The following NCAM2 variants were observed in gnomAD, a reference collection of about 807,000 sequenced individuals.
NCAM2 encodes neural cell adhesion molecule 2.
NCAM2 carries 30 observed loss-of-function variants against 98.1 expected under a neutral mutation model. The ratio of observed to expected loss-of-function variants is 0.31; its 90% CI spans 0.23 to 0.41. The LOEUF is 0.41. Among genes scored for constraint, NCAM2 ranks in the 10% least tolerant of loss-of-function variants. The pLI is 1.00. For missense variants in NCAM2, 867 were observed against 1,005.8 expected (o/e 0.86, Z 1.87); for synonymous variants, 368 against 342.4 (o/e 1.07, Z -0.83).
chr21:21,116,015 TTGTGTGTGTGTGTG>T (rs3071992), intron 1 of NCAM2, among the ~76,000 whole-genome samples: 1 of 146,098 alleles, frequency 6.8e-6, no homozygotes, highest in African/African-American at 2.6e-5. Flanking sequence ...CATGCTGAGA[TTGTGTGTGTGTGTG>T]TGTGTGTGTG....
intron 9 of NCAM2, among the ~76,000 whole-genome samples, chr21:21,388,618 G>C (rs182225316): frequency 1.3e-5 from 2 of 152,214 alleles, no homozygotes; most frequent in East Asian, 3.9e-4. Context: ...AAATGCTGCC[G>C]GTACAACTGA....
chr21:21,498,119 T>G (rs1376132056), intron 15 of NCAM2, among the ~76,000 whole-genome samples: 1 of 152,082 alleles, frequency 6.6e-6, no homozygotes, highest in Non-Finnish European at 1.5e-5. Context: ...AATGAACTCA[T>G]TATATACGTA....
At chr21:21,521,132 C>A (rs1988993115) in intron 16 of NCAM2, among the ~76,000 whole-genome samples, 1 of 152,146 alleles carries the variant, frequency 6.6e-6, no homozygotes, top group South Asian at 2.1e-4. Flanking sequence ...ATAGCCAACA[C>A]CACCCGGCTC....
chr21:21,414,474 T>TG lies in NCAM2; in HGVS notation c.1384-3999_1384-3998insG, dbSNP rs987023041. The stretch of plus-strand genomic sequence containing the variant: ...TTGTATTTCTGTTTTTTGTTGTGTG[T>TG]TTTTTTTTTTTTTTGAGAGGGAGTC... On this transcript the variant is annotated intron_variant, in intron 10 of 17. Transcript: ENST00000400546. 7.5e-3 allele frequency among the ~76,000 whole-genome samples: 58 copies of TG among 7,746 alleles called. 2 individuals are homozygous for TG. The highest frequency in any genetic ancestry group is 0.027 in the African/African-American group (39 of 1,446). The allele number at this position is 7,746 out of a possible 152,430, so 5.1% of individuals were successfully genotyped here.
At chr21:21,303,246 A>G (rs2073778899) in intron 5 of NCAM2, among the ~76,000 whole-genome samples, 1 of 152,112 alleles carries the variant, frequency 6.6e-6, no homozygotes, top group Admixed American at 6.6e-5. Flanking sequence ...AAGCTTTAAA[A>G]AGAAGTCAGA....
intron 15 of NCAM2, among the ~76,000 whole-genome samples, chr21:21,490,239 A>G (rs1030206786): frequency 2.7e-5 from 4 of 146,692 alleles, no homozygotes; most frequent in African/African-American, 1.1e-4. Flanking sequence ...AACAATATCC[A>G]AGAAATGTAA....
chr21:21,343,110 A>G (rs2075090456), intron 8 of NCAM2, among the ~76,000 whole-genome samples: 1 of 152,194 alleles, frequency 6.6e-6, no homozygotes, highest in South Asian at 2.1e-4. Context: ...TTATAATCTG[A>G]TATTACTTAT....
At chr21:21,374,919 G>T (rs1160924060) in intron 9 of NCAM2, among the ~76,000 whole-genome samples, 1 of 151,614 alleles carries the variant, frequency 6.6e-6, no homozygotes, top group Non-Finnish European at 1.5e-5. Context: ...ATAGACATAA[G>T]TTATCCATAT....
At chr21:21,194,703 T>G (rs2068944764) in intron 1 of NCAM2, among the ~76,000 whole-genome samples, 1 of 152,112 alleles carries the variant, frequency 6.6e-6, no homozygotes, top group Non-Finnish European at 1.5e-5. Flanking sequence ...ATTTTTAAAT[T>G]TTAAATAATT....
chr21:21,480,494 G>A lies in NCAM2; in HGVS notation c.2077+3023G>A, dbSNP rs1042296963. On this transcript the variant is annotated intron_variant, in intron 15 of 17. Coordinates refer to ENST00000400546, the MANE Select transcript of NCAM2 (RefSeq NM_004540.5). The stretch of plus-strand genomic sequence containing the variant: ...TGTGTGACGTGGAAGGTATCTCTGG[G>A]ACAAGAAAGAGCATGATCTGTTCTA... 3.3e-5 allele frequency among the ~76,000 whole-genome samples: 5 copies of A among 152,234 alleles called. No homozygotes were observed. The East Asian group carries it at 9.7e-4, about 29-fold the overall frequency.
rs758101777 is a variant in NCAM2 at position 21,286,433 on chromosome 21, C to T, written c.481+21C>T. The T allele has an allele frequency of 9.3e-6, 15 of 1,608,288 alleles. No homozygotes were observed. The East Asian group carries it at 3.1e-4, about 34-fold the overall frequency. ...CGACAGTTAGTATTTTGGTAACTCC[C>T]TAAGTTATATGTTCTAATACTATTG... On this transcript the variant is annotated intron_variant, in intron 4 of 17. Coordinates refer to ENST00000400546, the MANE Select transcript of NCAM2 (RefSeq NM_004540.5).
intron 1 of NCAM2, among the ~76,000 whole-genome samples, chr21:21,162,734 A>G (rs886215563): frequency 1.1e-4 from 16 of 152,154 alleles, no homozygotes; most frequent in African/African-American, 3.9e-4. Flanking sequence ...ATTGGCATGT[A>G]TCATGGTTCA....
chr21:21,529,510 T>A (rs971869090), intron 16 of NCAM2, among the ~76,000 whole-genome samples: 1 of 152,050 alleles, frequency 6.6e-6, no homozygotes, highest in Admixed American at 6.6e-5. Flanking sequence ...ACATCAATAT[T>A]TTAAAAACCT....
chr21:21,138,076 C>G (rs541898533), intron 1 of NCAM2, among the ~76,000 whole-genome samples: 13 of 152,210 alleles, frequency 8.5e-5, no homozygotes, highest in Non-Finnish European at 1.8e-4. Context: ...TTTGTCCTAC[C>G]TTTTGTCCTA....
rs539602695 is a variant in NCAM2 at position 21,521,504 on chromosome 21, A to G, written c.2282+12449A>G. Reference sequence around the variant, plus strand: ...ATCAGACTAGGAATTTAAAATATCGATGAGTAACATGCTAAGAACTCTAAC... The same window carrying G: ...ATCAGACTAGGAATTTAAAATATCGGTGAGTAACATGCTAAGAACTCTAAC... On this transcript the variant is annotated intron_variant, in intron 16 of 17. Coordinates refer to ENST00000400546, the MANE Select transcript of NCAM2 (RefSeq NM_004540.5). 3.9e-5 allele frequency among the ~76,000 whole-genome samples: 6 copies of G among 152,286 alleles called. No individual in the cohort carries two copies. The East Asian group carries it at 9.7e-4, about 25-fold the overall frequency.
At chr21:21,383,280 C>G (rs905866509) in intron 9 of NCAM2, among the ~76,000 whole-genome samples, 1 of 152,114 alleles carries the variant, frequency 6.6e-6, no homozygotes, top group Non-Finnish European at 1.5e-5. Context: ...TTTTGCTGTG[C>G]TGGTTTGTGC....
Position 21,338,458 on chromosome 21 carries a change from A to T in NCAM2, c.968A>T (p.Asp323Val). The T allele has an allele frequency of 6.2e-7, 1 of 1,612,998 alleles. No individual in the cohort carries two copies. The highest frequency in any genetic ancestry group is 8.5e-7 in the Non-Finnish European group (1 of 1,179,418). The change falls in exon 8 of 18, where the codon GAT (aspartate) becomes GTT (valine). Residue 323 changes from aspartate (D) to valine (V), a missense_variant. Coordinates refer to ENST00000400546, the MANE Select transcript of NCAM2 (RefSeq NM_004540.5). ...AATGGTCAAGTCACACTCGTATGTGATGCGGAAGGGGAGCCTATTCCAGAA... is the reference window on the plus strand; with the variant it reads ...AATGGTCAAGTCACACTCGTATGTGTTGCGGAAGGGGAGCCTATTCCAGAA... ...YENGQVTLVC[D>V]AEGEPIPEIT...
At chr21:21,508,624 T>A (rs1254731956) in intron 15 of NCAM2, among the ~76,000 whole-genome samples, 1 of 151,900 alleles carries the variant, frequency 6.6e-6, no homozygotes, top group Non-Finnish European at 1.5e-5. Flanking sequence ...GATAGTCACA[T>A]AATTAACAAA....
intron 1 of NCAM2, among the ~76,000 whole-genome samples, chr21:21,197,771 C>G (rs1191314356): frequency 1.3e-5 from 2 of 152,164 alleles, no homozygotes; most frequent in African/African-American, 4.8e-5. Flanking sequence ...TGACTGGGAT[C>G]ATAAGAAACA....
Sources: allele counts gnomAD v4.1 joint callset (sites outside exome capture counted in the v4.1 genomes callset), GRCh38; gene constraint gnomAD v4.1.1; transcripts MANE v1.5; gene names NCBI Gene and HGNC (gene_info 2026-07-23, HGNC 2026-07-21).